SIK3: variants seen among roughly 807,000 people sequenced by gnomAD.
SIK3 encodes SIK family kinase 3, also known as serine/threonine-protein kinase SIK3.
In SIK3, 28 loss-of-function variants were observed where a neutral mutation model predicts 144.2. That is an observed-to-expected ratio of 0.19 (90% CI 0.14 to 0.27). The LOEUF is 0.27. Among genes scored for constraint, SIK3 ranks in the 10% least tolerant of loss-of-function variants. The pLI, the probability that SIK3 is intolerant of heterozygous loss-of-function variation, is 1.00. For synonymous variants in SIK3, 686 were observed against 676.3 expected, an observed-to-expected ratio of 1.01 and a Z score of -0.22; for missense variants, 1,319 against 1,776.0, an observed-to-expected ratio of 0.74 and a Z score of 4.62.
chr11:117,073,002 T>A (rs1954347616), intron 1 of SIK3, among the ~76,000 whole-genome samples: 1 of 152,202 alleles, frequency 6.6e-6, no homozygotes, highest in African/African-American at 2.4e-5. Context: ...AATTCATGAT[T>A]ATGTTGATCT....
chr11:117,050,698 A>G (rs1953199027), intron 1 of SIK3, among the ~76,000 whole-genome samples: 1 of 152,198 alleles, frequency 6.6e-6, no homozygotes. Context: ...AAAAAAAATA[A>G]ATTAAATAAA....
intron 4 of SIK3, among the ~76,000 whole-genome samples, chr11:116,925,206 G>A (rs1019858789): frequency 2.0e-5 from 3 of 151,358 alleles, no homozygotes; most frequent in East Asian, 3.9e-4. Context: ...CTGAGATCAC[G>A]CCACTGCCCT....
intron 1 of SIK3, among the ~76,000 whole-genome samples, chr11:117,049,934 T>C (rs1003663972): frequency 2.0e-5 from 3 of 148,636 alleles, no homozygotes; most frequent in Non-Finnish European, 4.5e-5. Flanking sequence ...CACTCCAGCC[T>C]GGGCGTCTGA....
In SIK3 at chr11:117,003,863, T is replaced by C. The variant is rs181349066; in HGVS notation, c.274-46799A>G. Among the ~76,000 whole-genome samples, 95 of 152,252 alleles carry C rather than the reference T, an allele frequency of 6.2e-4. 1 individual carries two copies. The highest frequency in any genetic ancestry group is 8.8e-5 in the Non-Finnish European group (6 of 68,024). On this transcript the variant is annotated intron_variant, in intron 1 of 24. Coordinates refer to ENST00000445177, the MANE Select transcript of SIK3 (RefSeq NM_001366686.3). ...ATTGACAGACTACAGATGAGGAGTA[T>C]AGATTGGTCCCCATTGCTGAACATT... is the stretch of plus-strand genomic sequence containing the variant.
intron 6 of SIK3, among the ~76,000 whole-genome samples, chr11:116,880,074 G>T (rs898860928): frequency 6.6e-6 from 1 of 152,150 alleles, no homozygotes; most frequent in Non-Finnish European, 1.5e-5. Flanking sequence ...GATGACCAAA[G>T]CTGAATGGTG....
In SIK3 at chr11:117,015,447, T is replaced by C. The variant is rs369147338; in HGVS notation, c.274-58383A>G. Reference sequence around the variant, plus strand: ...TATTTTTGGAGACAGAGTCTCGCTCTGTCACCCAGGCTGGAGTACAGTGGC... The same window carrying C: ...TATTTTTGGAGACAGAGTCTCGCTCCGTCACCCAGGCTGGAGTACAGTGGC... On this transcript the variant is annotated intron_variant, in intron 1 of 24. Coordinates refer to ENST00000445177, the MANE Select transcript of SIK3 (RefSeq NM_001366686.3). Among the ~76,000 whole-genome samples, 7 of 152,284 alleles carry C rather than the reference T, an allele frequency of 4.6e-5. No homozygotes were observed. In the East Asian group the frequency reaches 1.4e-3, roughly 29 times the overall value.
chr11:117,030,157 G>A (rs529485003), intron 1 of SIK3, among the ~76,000 whole-genome samples: 1 of 152,152 alleles, frequency 6.6e-6, no homozygotes, highest in South Asian at 2.1e-4. Context: ...TATAAAAGGG[G>A]CATAAATCGA....
In SIK3 at chr11:117,090,748, A is replaced by C. The variant is rs190794841; in HGVS notation, c.273+7395T>G. Among the ~76,000 whole-genome samples, 241 of 152,342 alleles carry C rather than the reference A, an allele frequency of 1.6e-3. 3 individuals are homozygous for C. Among genetic ancestry groups the C allele is most frequent in the African/African-American group, 5.3e-3 (222 of 41,572 alleles). ...TCATGCCAAGGGGCATCTGACTAGC[A>C]GATTTAAAGGCAAAGCAGTGGACCC... On this transcript the variant is annotated intron_variant, in intron 1 of 24. Coordinates refer to ENST00000445177, the MANE Select transcript of SIK3 (RefSeq NM_001366686.3).
At chr11:117,030,750 A>AT (rs1486801591) in intron 1 of SIK3, among the ~76,000 whole-genome samples, 9 of 152,208 alleles carry the variant, frequency 5.9e-5, no homozygotes, top group Admixed American at 5.2e-4. Flanking sequence ...AGCTCACTGC[A>AT]GCCTCGACTT....
intron 3 of SIK3, among the ~76,000 whole-genome samples, chr11:116,931,898 T>C (rs1947626039): frequency 6.6e-6 from 1 of 152,220 alleles, no homozygotes; most frequent in South Asian, 2.1e-4. Flanking sequence ...TGGCTGCCAC[T>C]GACTAGAGGA....
chr11:117,012,805 A>G (rs986381414), intron 1 of SIK3, among the ~76,000 whole-genome samples: 1 of 150,164 alleles, frequency 6.7e-6, no homozygotes, highest in African/African-American at 2.5e-5. Context: ...TCACTGACTC[A>G]TAATATATTG....
Position 116,844,439 on chromosome 11 carries a change from C to A in SIK3, c.*1204G>T, listed in dbSNP as rs1311195724. ...ATAATAACAATAATATCAACATTTA[C>A]CAAAAACAATTTCTACATGATCAAG... On this transcript the variant is annotated 3_prime_UTR_variant, in exon 25 of 25. Transcript: ENST00000445177. 1 of 150,534 alleles carries A rather than the reference C, an allele frequency of 6.6e-6. No individual in the cohort carries two copies. Among genetic ancestry groups the A allele is most frequent in the Non-Finnish European group, 1.5e-5 (1 of 67,720 alleles). 9.3% of individuals were successfully genotyped at this position (150,534 alleles called of 1,614,324 possible). A position where few individuals can be genotyped will look rare whatever the true frequency, so the allele number is the denominator to read the frequency against.
At chr11:116,877,536 G>C (rs1469130742) in intron 6 of SIK3, among the ~76,000 whole-genome samples, 1 of 152,152 alleles carries the variant, frequency 6.6e-6, no homozygotes, top group Admixed American at 6.5e-5. Context: ...CAAGGTGTGT[G>C]GGGAGAGAGC....
chr11:117,053,171 T>C (rs1953342233), intron 1 of SIK3, among the ~76,000 whole-genome samples: 1 of 151,958 alleles, frequency 6.6e-6, no homozygotes. Context: ...ACCCTGTCTC[T>C]ACTAAAAATA....
rs1202930316 is a variant in SIK3 at position 116,844,165 on chromosome 11, G to A, written c.*1478C>T. On this transcript the variant is annotated 3_prime_UTR_variant, in exon 25 of 25. Coordinates refer to ENST00000445177, the MANE Select transcript of SIK3 (RefSeq NM_001366686.3). ...TCTCTCAGCCCCAGCCAGCAGAGAAGACTTTGGTTTCTAACAATGAAGAGA... is the reference window on the plus strand; with the variant it reads ...TCTCTCAGCCCCAGCCAGCAGAGAAAACTTTGGTTTCTAACAATGAAGAGA... The A allele has an allele frequency of 6.6e-6, 1 of 152,176 alleles. No individual in the cohort carries two copies. Among genetic ancestry groups the A allele is most frequent in the Non-Finnish European group, 1.5e-5 (1 of 68,050 alleles). The allele number at this position is 152,176 out of a possible 1,614,324, so 9.4% of individuals were successfully genotyped here.
intron 6 of SIK3, among the ~76,000 whole-genome samples, chr11:116,889,875 C>T (rs192939226): frequency 2.3e-4 from 35 of 151,982 alleles, no homozygotes; most frequent in African/African-American, 7.2e-4. Context: ...CCAGCCTGGG[C>T]GACAGAGATC....
chr11:117,040,236 G>A (rs1175231593), intron 1 of SIK3, among the ~76,000 whole-genome samples: 7 of 152,182 alleles, frequency 4.6e-5, no homozygotes, highest in Non-Finnish European at 8.8e-5. Context: ...GCAGAAGAAT[G>A]CTTAGGTTCA....
intron 4 of SIK3, among the ~76,000 whole-genome samples, chr11:116,922,905 C>CTTTTT (rs1565455993): frequency 1.0e-4 from 12 of 118,692 alleles, no homozygotes; most frequent in African/African-American, 1.8e-4. Flanking sequence ...CTTTTCTTTT[C>CTTTTT]TCTTTTTTTT....
At chr11:116,947,892 AC>A (rs1948751127) in intron 3 of SIK3, among the ~76,000 whole-genome samples, 1 of 150,000 alleles carries the variant, frequency 6.7e-6, no homozygotes, top group Non-Finnish European at 1.5e-5. Flanking sequence ...AGTTGTTTCA[AC>A]AGTTGGTATC....
Sources: gnomAD v4.1 joint callset for allele counts (sites outside exome capture counted in the v4.1 genomes callset) on GRCh38, gnomAD v4.1.1 for gene constraint, MANE v1.5 for transcripts, NCBI Gene and HGNC (gene_info 2026-07-23, HGNC 2026-07-21) for gene names.